HS3ST1: variants seen among roughly 807,000 people sequenced by gnomAD.
HS3ST1 encodes the protein heparan sulfate glucosamine 3-O-sulfotransferase 1.
A neutral mutation model predicts 20.7 loss-of-function variants in HS3ST1; 8 were observed. The ratio of observed to expected loss-of-function variants is 0.39; its 90% CI spans 0.23 to 0.70. The LOEUF (loss-of-function observed/expected upper bound fraction) is 0.70, where lower values mean the gene tolerates loss of function less well. HS3ST1 is among the 30% of genes least tolerant of loss of function. HS3ST1 has a pLI of 0.46. For synonymous variants in HS3ST1, 205 were observed against 190.4 expected (o/e 1.08, Z -0.63); for missense variants, 436 against 423.4 (o/e 1.03, Z -0.26).
chr4:11,413,214 G>A (rs1718683274), intron 1 of HS3ST1, among the ~76,000 whole-genome samples: 2 of 152,158 alleles, frequency 1.3e-5, no homozygotes, highest in South Asian at 2.1e-4. Flanking sequence ...TGACAATAAA[G>A]CATACCATTA....
intron 1 of HS3ST1, among the ~76,000 whole-genome samples, chr4:11,414,315 GTGTA>G (rs1026414644): frequency 1.1e-4 from 16 of 152,078 alleles, no homozygotes; most frequent in Admixed American, 7.2e-4. Flanking sequence ...GTGTGTGTGT[GTGTA>G]TATATACATA....
chr4:11,413,841 A>G (rs544897380), intron 1 of HS3ST1, among the ~76,000 whole-genome samples: 1 of 152,216 alleles, frequency 6.6e-6, no homozygotes, highest in South Asian at 2.1e-4. Flanking sequence ...AGATAAGAAG[A>G]AGGATAGCAG....
chr4:11,421,632 A>G (rs16881657), intron 1 of HS3ST1, among the ~76,000 whole-genome samples: 1,751 of 152,346 alleles, frequency 0.011, 37 homozygotes, highest in African/African-American at 0.04. Flanking sequence ...CAGGGTGTAC[A>G]AGTACTTCAT....
rs1450715378 is a variant in HS3ST1 at position 11,399,884 on chromosome 4, A to G, written c.122T>C (p.Val41Ala). 10 of 1,611,500 alleles carry G rather than the reference A, an allele frequency of 6.2e-6. No homozygotes were observed. In the East Asian group the frequency reaches 6.7e-5, roughly 11 times the overall value. The change falls in exon 2 of 2, where the codon GTC becomes GCC. Residue 41 changes from valine to alanine, a missense_variant. Val to Ala is a moderately conservative substitution (Grantham distance 64). Coordinates refer to ENST00000002596, the MANE Select transcript of HS3ST1 (RefSeq NM_005114.4). The surrounding 1 kb of genome is among the most constrained non-coding windows in gnomAD (Gnocchi z 5.1). ...GCCGTTTGGGGCCACGCCATCGCGGACGTCATCCTGGAGGGTCCCCGCTTT... is the reference window on the plus strand; with the variant it reads ...GCCGTTTGGGGCCACGCCATCGCGGGCGTCATCCTGGAGGGTCCCCGCTTT... ...LRKAGTLQDDVRDGVAPNGSA... is the reference protein window; with the variant it reads ...LRKAGTLQDDARDGVAPNGSA...
At chr4:11,431,043 T>C (rs1719194820), upstream of HS3ST1, among the ~76,000 whole-genome samples, 1 of 152,168 alleles carries the variant, frequency 6.6e-6, no homozygotes, top group Non-Finnish European at 1.5e-5. Flanking sequence ...GAAGCTCATG[T>C]AGTGCCAGAG....
chr4:11,427,479 C>T (rs1397701406), intron 1 of HS3ST1, among the ~76,000 whole-genome samples: 1 of 152,200 alleles, frequency 6.6e-6, no homozygotes, highest in Admixed American at 6.5e-5. Context: ...CGGAGCGCAG[C>T]GCAAAGACAG....
chr4:11,402,240 T>C (rs891867592), intron 1 of HS3ST1, among the ~76,000 whole-genome samples: 1 of 152,140 alleles, frequency 6.6e-6, no homozygotes, highest in African/African-American at 2.4e-5. Context: ...AGTAATCAAA[T>C]AGATGGAAGG....
chr4:11,399,182 G>A lies in HS3ST1; in HGVS notation c.824C>T (p.Pro275Leu), dbSNP rs955835005. Residue 275 changes from proline (P) to leucine (L), a missense_variant, in exon 2 of 2, where the codon CCC becomes CTC. By Grantham distance (98) the Pro-to-Leu change is moderately conservative. Coordinates refer to ENST00000002596, the MANE Select transcript of HS3ST1 (RefSeq NM_005114.4). This position sits in a 1 kb window ranked among gnomAD's most constrained non-coding sequence, Gnocchi z 5.1. Reference sequence around the variant, plus strand: ...ATTGAGTAGTTTGGGATCGACTTGGGGGTGCGCCCGGCCTTTGGACTCATG... The same window carrying A: ...ATTGAGTAGTTTGGGATCGACTTGGAGGTGCGCCCGGCCTTTGGACTCATG... ...CLHESKGRAH[P>L]QVDPKLLNKL... 5.0e-6 allele frequency: 8 copies of A among 1,614,154 alleles called. No homozygotes were observed. Among genetic ancestry groups the A allele is most frequent in the Non-Finnish European group, 6.8e-6 (8 of 1,180,042 alleles).
At chr4:11,419,888 A>G (rs1329474514) in intron 1 of HS3ST1, among the ~76,000 whole-genome samples, 4 of 152,254 alleles carry the variant, frequency 2.6e-5, no homozygotes, top group African/African-American at 9.6e-5. Context: ...GACATAACTT[A>G]TTAATTTAAT....
chr4:11,424,074 CAAGACCAGACCTG>C (rs1719004066), intron 1 of HS3ST1, among the ~76,000 whole-genome samples: 1 of 148,314 alleles, frequency 6.7e-6, no homozygotes, highest in Non-Finnish European at 1.5e-5. Context: ...CCAGGTCTGG[CAAGACCAGACCTG>C]AAGTCCCGCC....
At chr4:11,417,625 G>A (rs889556803) in intron 1 of HS3ST1, among the ~76,000 whole-genome samples, 2 of 152,076 alleles carry the variant, frequency 1.3e-5, no homozygotes, top group Admixed American at 6.6e-5. Context: ...GAAATCCATG[G>A]AACATTCTGA....
At chr4:11,404,876 C>A (rs1718422113) in intron 1 of HS3ST1, among the ~76,000 whole-genome samples, 1 of 152,190 alleles carries the variant, frequency 6.6e-6, no homozygotes, top group Non-Finnish European at 1.5e-5. Context: ...TTGCTGTAAT[C>A]CTCACTGCAA....
chr4:11,420,109 CCTG>C (rs567544504), intron 1 of HS3ST1, among the ~76,000 whole-genome samples: 287 of 152,260 alleles, frequency 1.9e-3, no homozygotes, highest in Non-Finnish European at 3.1e-3. Context: ...ATGTAAACAC[CCTG>C]CTAGTTAGGA....
chr4:11,424,196 G>GGC lies in HS3ST1; in HGVS notation c.-109+4502_-109+4503insGC. Among the ~76,000 whole-genome samples the GGC allele has an allele frequency of 2.0e-5, 3 of 152,256 alleles. No individual in the cohort carries two copies. In the East Asian group the frequency reaches 5.8e-4, roughly 29 times the overall value. ...AGCTGTTACTTGCCTGGCTGCTGAA[G>GGC]ACATTAGAGTTTGCGACCCCTGCTG... On this transcript the variant is annotated intron_variant, in intron 1 of 1. Transcript: ENST00000002596.
intron 1 of HS3ST1, among the ~76,000 whole-genome samples, chr4:11,404,806 C>T (rs74643653): frequency 0.014 from 2,071 of 152,364 alleles, 22 homozygotes; most frequent in South Asian, 0.025. Context: ...ATGATTGCAG[C>T]TCCCATCTGC....
chr4:11,418,282 AAATCAG>A (rs1345791092), intron 1 of HS3ST1, among the ~76,000 whole-genome samples: 1 of 152,198 alleles, frequency 6.6e-6, no homozygotes, highest in African/African-American at 2.4e-5. Context: ...TTTTCAATCA[AAATCAG>A]GCTTACCAGC....
At chr4:11,406,879 A>C (rs1718480267) in intron 1 of HS3ST1, among the ~76,000 whole-genome samples, 1 of 151,956 alleles carries the variant, frequency 6.6e-6, no homozygotes, top group African/African-American at 2.4e-5. Flanking sequence ...AATCTACCAA[A>C]CTTCTGGGCA....
At chr4:11,417,504 A>G (rs566773024) in intron 1 of HS3ST1, among the ~76,000 whole-genome samples, 15 of 152,210 alleles carry the variant, frequency 9.9e-5, no homozygotes, top group Non-Finnish European at 2.1e-4. Context: ...TGAAGTTTAG[A>G]GAGATTATTC....
intron 1 of HS3ST1, among the ~76,000 whole-genome samples, chr4:11,425,193 C>T (rs1249287713): frequency 6.6e-6 from 1 of 152,176 alleles, no homozygotes; most frequent in South Asian, 2.1e-4. Flanking sequence ...CAGGCAGGCA[C>T]TGAGTTAGGT....
Sources: gnomAD v4.1 joint callset for allele counts (sites outside exome capture counted in the v4.1 genomes callset) on GRCh38, gnomAD v4.1.1 for gene constraint, Gnocchi (gnomAD v3.1) non-coding constraint, MANE v1.5 for transcripts, NCBI Gene and HGNC (gene_info 2026-07-23, HGNC 2026-07-21) for gene names.